CAND2: variants seen among roughly 807,000 people sequenced by gnomAD.
CAND2 encodes the protein cullin associated and neddylation dissociated 2 (putative), also known as cullin-associated NEDD8-dissociated protein 2.
CAND2 carries 62 observed loss-of-function variants against 98.9 expected under a neutral mutation model. The ratio of observed to expected loss-of-function variants is 0.63; its 90% CI spans 0.51 to 0.77. The LOEUF (loss-of-function observed/expected upper bound fraction) is 0.77. Ranked by LOEUF, CAND2 falls within the 30% of genes least tolerant of loss-of-function variation. The pLI is 0.00. For missense variants in CAND2, 1,501 were observed against 1,655.2 expected (o/e 0.91, Z 1.62); for synonymous variants, 770 against 731.9 (o/e 1.05, Z -0.84).
At chr3:12,832,256 C>G (rs2062059482) in intron 14 of CAND2, 1 of 152,170 alleles carries the variant, frequency 6.6e-6, no homozygotes. Context: ...GTAGTTTATT[C>G]ATAGAAACCT....
Position 12,808,957 on chromosome 3 carries a change from A to G in CAND2, c.491+624A>G, listed in dbSNP as rs368443504. ...TGAGGTGCAGGGCTGGCCAGGAGCC[A>G]TGGGGCAGGGGTGAGTATTTGTGTG... On this transcript the variant is annotated intron_variant, in intron 4 of 14. Transcript: ENST00000456430. Among the ~76,000 whole-genome samples the G allele has an allele frequency of 5.9e-5, 9 of 152,162 alleles. No individual in the cohort carries two copies. In the South Asian group the frequency reaches 1.0e-3, roughly 18 times the overall value.
chr3:12,823,413 C>T (rs1418370680), intron 11 of CAND2, among the ~76,000 whole-genome samples: 2 of 151,314 alleles, frequency 1.3e-5, no homozygotes, highest in South Asian at 2.1e-4. Flanking sequence ...AAAACCCCAT[C>T]TCTACCAAAA....
At chr3:12,830,670 C>A (rs1190223873) in intron 13 of CAND2, among the ~76,000 whole-genome samples, 1 of 152,194 alleles carries the variant, frequency 6.6e-6, no homozygotes, top group Non-Finnish European at 1.5e-5. Flanking sequence ...CACAGCTTTG[C>A]GTCATCAAGT....
Position 12,812,049 on chromosome 3 carries a change from C to G in CAND2, c.758-941C>G, listed in dbSNP as rs1486761308. ...TCAGCCTCCCAAGTAGCTGGGATTA[C>G]AGGGGCGCACTGCCACGTGCAGCTA... On this transcript the variant is annotated intron_variant, in intron 5 of 14. Coordinates refer to ENST00000456430, the MANE Select transcript of CAND2 (RefSeq NM_001162499.2). 2.0e-5 allele frequency among the ~76,000 whole-genome samples: 3 copies of G among 151,608 alleles called. No homozygotes were observed. The South Asian group carries it at 6.2e-4, about 32-fold the overall frequency.
chr3:12,828,336 G>GTT (rs576931018), intron 13 of CAND2, among the ~76,000 whole-genome samples: 12,026 of 122,144 alleles, frequency 0.098, 844 homozygotes, highest in South Asian at 0.15. Flanking sequence ...CAGGTGAAGT[G>GTT]TTTTTTTTTT....
intron 2 of CAND2, 80 bp from the exon 3 acceptor site, chr3:12,807,226 A>G: frequency 7.4e-7 from 1 of 1,348,390 alleles, no homozygotes; most frequent in South Asian, 1.4e-5. Context: ...TGGCCGCAGG[A>G]GCATGAGGGG....
intron 12 of CAND2, among the ~76,000 whole-genome samples, chr3:12,826,298 A>ATT (rs1469433545): frequency 2.0e-5 from 3 of 152,200 alleles, no homozygotes; most frequent in African/African-American, 7.2e-5. Flanking sequence ...GTTAAAGGTG[A>ATT]TTTAGTAAGT....
chr3:12,825,718 C>T, intron 12 of CAND2, 79 bp downstream of exon 12: 1 of 1,427,874 alleles, frequency 7.0e-7, no homozygotes. Context: ...GCATTATTAT[C>T]TCATCAGAGC....
rs772061929 is a variant in CAND2, at chr3:12,827,617, C to A, written c.3375+13C>A. The A allele has an allele frequency of 8.8e-6, 14 of 1,596,096 alleles. No homozygotes were observed. The highest frequency in any genetic ancestry group is 1.2e-5 in the Non-Finnish European group (14 of 1,169,192). ...CTACGACATCCGGGTAAGACCAAGC[C>A]CCCTGCCAGATCTATGTGCCCCTGT... On this transcript the variant is annotated intron_variant, in intron 13 of 14. Transcript: ENST00000456430.
chr3:12,823,728 TCA>T (rs1491198491), intron 11 of CAND2, among the ~76,000 whole-genome samples: 3 of 64,624 alleles, frequency 4.6e-5, no homozygotes, highest in African/African-American at 4.6e-4. Flanking sequence ...AGACTCCATC[TCA>T]AAAAAAAAAA....
chr3:12,826,764 G>GCTCAGTTAATTAACCTGCCCAA (rs1295743576), intron 12 of CAND2, among the ~76,000 whole-genome samples: 10 of 150,964 alleles, frequency 6.6e-5, no homozygotes, highest in Non-Finnish European at 4.4e-5. Context: ...AACCTGTCCA[G>GCTCAGTTAATTAACCTGCCCAA]CTCAGTTAAT....
chr3:12,827,737 G>A (rs1316264228), intron 13 of CAND2, 133 bp downstream of exon 13: 1 of 826,274 alleles, frequency 1.2e-6, no homozygotes, highest in African/African-American at 1.7e-5. Flanking sequence ...GTTGTTTTCT[G>A]ATAAGAAAAG....
Position 12,807,440 on chromosome 3 carries a change from A to C in CAND2, c.347A>C (p.Glu116Ala), listed in dbSNP as rs767979319. ...AGIGLKTVLS[E>A]LPPAATGSGL... ...ATTGGCCTCAAGACCGTCCTCTCGGAGCTCCCTCCTGCAGCCACAGGTACC... is the reference window on the plus strand; with the variant it reads ...ATTGGCCTCAAGACCGTCCTCTCGGCGCTCCCTCCTGCAGCCACAGGTACC... The change falls in exon 3 of 15, where the codon GAG (glutamate) becomes GCG (alanine). Residue 116 changes from glutamate to alanine, a missense_variant. Glu to Ala is a moderately radical substitution (Grantham distance 107, BLOSUM62 -1). Coordinates refer to ENST00000456430, the MANE Select transcript of CAND2 (RefSeq NM_001162499.2). 6 of 1,551,360 alleles carry C rather than the reference A, an allele frequency of 3.9e-6. No homozygotes were observed. Among genetic ancestry groups the C allele is most frequent in the Non-Finnish European group, 4.4e-6 (5 of 1,146,924 alleles).
intron 14 of CAND2, chr3:12,832,144 A>T (rs1454527163): frequency 6.6e-6 from 1 of 152,314 alleles, no homozygotes. Context: ...AATCATTACC[A>T]AAAGGAGAGC....
rs558146418 is a variant in CAND2 at position 12,823,811 on chromosome 3, C to T, written c.3041-1659C>T. ...ACCTGGGAGGCTGAGGCCTGAGAAT[C>T]GCTTGAACCCGGGAGATGAAGGTTG... On this transcript the variant is annotated intron_variant, in intron 11 of 14. Coordinates refer to ENST00000456430, the MANE Select transcript of CAND2 (RefSeq NM_001162499.2). Among the ~76,000 whole-genome samples, 37 of 151,942 alleles carry T rather than the reference C, an allele frequency of 2.4e-4. 1 individual carries two copies. The South Asian group carries it at 7.1e-3, about 29-fold the overall frequency.
chr3:12,831,358 A>C (rs2062052245), intron 13 of CAND2, 107 bp from the exon 14 acceptor site: 1 of 831,406 alleles, frequency 1.2e-6, no homozygotes, highest in Non-Finnish European at 2.0e-6. Context: ...GGTGGTCTGA[A>C]CTTGGGCTTC....
rs760216060 is a variant in CAND2 at position 12,817,099 on chromosome 3, C to T, written c.2167C>T (p.Gln723Ter). 6.2e-7 allele frequency: 1 copy of T among 1,613,014 alleles called. No individual in the cohort carries two copies. Among genetic ancestry groups the T allele is most frequent in the Non-Finnish European group, 8.5e-7 (1 of 1,179,992 alleles). Residue 723 changes from glutamine to a stop codon, truncating the protein, a stop_gained, in exon 10 of 15, where the codon CAG (glutamine) becomes TAG (stop). Transcript: ENST00000456430. LOFTEE classifies it high-confidence loss of function. Reference protein sequence around the residue: ...LAVDFLATVTQAQPASLVEVS... With the variant: ...LAVDFLATVT The stretch of plus-strand genomic sequence containing the variant: ...TGTGGACTTCCTTGCCACAGTGACC[C>T]AGGCCCAGCCAGCCTCTTTGGTGGA...
chr3:12,801,896 T>C (rs1379745039), intron 1 of CAND2, among the ~76,000 whole-genome samples: 1 of 152,202 alleles, frequency 6.6e-6, no homozygotes, highest in African/African-American at 2.4e-5. Context: ...ATGCTGGCTA[T>C]AGCTGGAGAT....
At chr3:12,809,494 G>A (rs1232948460) in intron 4 of CAND2, among the ~76,000 whole-genome samples, 3 of 152,168 alleles carry the variant, frequency 2.0e-5, no homozygotes, top group African/African-American at 7.2e-5. Flanking sequence ...GTCTCAAGAT[G>A]TTTACAGGAC....
Sources: gnomAD v4.1 joint callset for allele counts (sites outside exome capture counted in the v4.1 genomes callset) on GRCh38, gnomAD v4.1.1 for gene constraint, MANE v1.5 for transcripts, NCBI Gene and HGNC (gene_info 2026-07-23, HGNC 2026-07-21) for gene names.